DYNC1H1: variants seen among roughly 807,000 people sequenced by gnomAD.
DYNC1H1 encodes dynein cytoplasmic 1 heavy chain 1, also known as cytoplasmic dynein 1 heavy chain 1.
A neutral mutation model predicts 527.1 loss-of-function variants in DYNC1H1; 51 were observed. The observed-to-expected ratio is 0.10, with a 90% CI of 0.08 to 0.12. The LOEUF (loss-of-function observed/expected upper bound fraction) is 0.12. Among genes scored for constraint, DYNC1H1 ranks in the 10% least tolerant of loss-of-function variants. The pLI is 1.00. For missense variants in DYNC1H1, 2,771 were observed against 5,971.8 expected (o/e 0.46, Z 17.66); for synonymous variants, 2,189 against 2,278.8 (o/e 0.96, Z 1.12).
rs768609501 is a variant in DYNC1H1, at chr14:102,027,131, G to T, written c.8772-43G>T. On this transcript the variant is annotated intron_variant, in intron 44 of 77. Coordinates refer to ENST00000360184, the MANE Select transcript of DYNC1H1 (RefSeq NM_001376.5). The surrounding 1 kb of genome is among the most constrained non-coding windows in gnomAD (Gnocchi z 7.7). Reference sequence around the variant, plus strand: ...AGATATGAGTCAAAAGGGGAATGAGGCATTATAAGCCTTAACATTGATCAG... The same window carrying T: ...AGATATGAGTCAAAAGGGGAATGAGTCATTATAAGCCTTAACATTGATCAG... 6.3e-7 allele frequency: 1 copy of T among 1,585,966 alleles called. No individual in the cohort carries two copies. Among genetic ancestry groups the T allele is most frequent in the East Asian group, 2.2e-5 (1 of 44,712 alleles).
intron 72 of DYNC1H1, among the ~76,000 whole-genome samples, chr14:102,047,265 GCTCATGC>G (rs1421225648): frequency 6.6e-6 from 1 of 152,134 alleles, no homozygotes; most frequent in Admixed American, 6.5e-5. Context: ...AGGCATGGTG[GCTCATGC>G]CTGTAATCCC....
At chr14:101,993,262 C>T (rs1007995604) in intron 11 of DYNC1H1, among the ~76,000 whole-genome samples, 1 of 152,122 alleles carries the variant, frequency 6.6e-6, no homozygotes, top group African/African-American at 2.4e-5. Context: ...GTACAAGGTA[C>T]CATCACCTCT....
chr14:101,976,646 C>T (rs1318954777), intron 2 of DYNC1H1, among the ~76,000 whole-genome samples: 1 of 151,904 alleles, frequency 6.6e-6, no homozygotes, highest in Non-Finnish European at 1.5e-5. Context: ...TTTTCCAATT[C>T]AATATAAATT....
rs991283375 is a variant in DYNC1H1 at position 102,039,273 on chromosome 14, C to T, written c.11460+19C>T. On this transcript the variant is annotated intron_variant, in intron 60 of 77. Transcript: ENST00000360184. The surrounding 1 kb of genome is among the most constrained non-coding windows in gnomAD (Gnocchi z 7.0). ...CAAGCAGGTGGGTGCCTTGGCCATG[C>T]AGAGACTGGCGGGCCCCGCACAGTA... is the stretch of plus-strand genomic sequence containing the variant. 6.2e-7 allele frequency: 1 copy of T among 1,612,852 alleles called. No individual in the cohort carries two copies. The highest frequency in any genetic ancestry group is 8.5e-7 in the Non-Finnish European group (1 of 1,180,028).
chr14:102,027,004 A>G lies in DYNC1H1; in HGVS notation c.8772-170A>G, dbSNP rs529800517. The G allele has an allele frequency of 7.4e-5, 66 of 886,056 alleles. No homozygotes were observed. The African/African-American group carries it at 9.6e-4, about 13-fold the overall frequency. The allele number at this position is 886,056 out of a possible 1,614,324, so 54.9% of individuals were successfully genotyped here. On this transcript the variant is annotated intron_variant, in intron 44 of 77. Coordinates refer to ENST00000360184, the MANE Select transcript of DYNC1H1 (RefSeq NM_001376.5). This position sits in a 1 kb window ranked among gnomAD's most constrained non-coding sequence, Gnocchi z 7.7. ...AGTCTAGAGGACAGGACCGTGTCTT[A>G]CTGGTCTTTGCATTCCTCCTGGACT...
Position 102,033,774 on chromosome 14 carries a change from C to T in DYNC1H1, c.10414-202C>T. 1 of 700,670 alleles carries T rather than the reference C, an allele frequency of 1.4e-6. No individual in the cohort carries two copies. Among genetic ancestry groups the T allele is most frequent in the Non-Finnish European group, 2.4e-6 (1 of 412,942 alleles). 43.4% of individuals were successfully genotyped at this position (700,670 alleles called of 1,614,324 possible). A position where few individuals can be genotyped will look rare whatever the true frequency, so the allele number is the denominator to read the frequency against. On this transcript the variant is annotated intron_variant, in intron 54 of 77. Coordinates refer to ENST00000360184, the MANE Select transcript of DYNC1H1 (RefSeq NM_001376.5). This position sits in a 1 kb window ranked among gnomAD's most constrained non-coding sequence, Gnocchi z 5.6. ...GAGGGCCTCGCTCCGTACCCAGCTT[C>T]TGCCCCGCTGAGATTCTGAGTCGTG...
Position 102,042,801 on chromosome 14 carries a change from C to T in DYNC1H1, c.12513+53C>T. On this transcript the variant is annotated intron_variant, in intron 69 of 77. Coordinates refer to ENST00000360184, the MANE Select transcript of DYNC1H1 (RefSeq NM_001376.5). This position sits in a 1 kb window ranked among gnomAD's most constrained non-coding sequence, Gnocchi z 5.7. ...TTCCCCATAGAAGCTAAAGCCCAGT[C>T]CCATCACCAAATGCAGAAGTGGGTC... 6.3e-7 allele frequency: 1 copy of T among 1,594,824 alleles called. No individual in the cohort carries two copies. The highest frequency in any genetic ancestry group is 8.6e-7 in the Non-Finnish European group (1 of 1,167,632).
At chr14:102,026,818 T>C in intron 44 of DYNC1H1, 111 bp downstream of exon 44, 1 of 1,482,870 alleles carries the variant, frequency 6.7e-7, no homozygotes, top group South Asian at 1.2e-5. Flanking sequence ...CACCTCAGCC[T>C]TCTCCACCAA....
rs17512734 is a variant in DYNC1H1, at chr14:102,035,012, C to T, written c.10754+560C>T. The T allele has an allele frequency of 2.0e-3, 358 of 183,432 alleles. 5 individuals carry two copies. In the East Asian group the frequency reaches 0.034, roughly 17 times the overall value. 11.4% of individuals were successfully genotyped at this position (183,432 alleles called of 1,614,324 possible). On this transcript the variant is annotated intron_variant, in intron 56 of 77. Coordinates refer to ENST00000360184, the MANE Select transcript of DYNC1H1 (RefSeq NM_001376.5). ...TTGGGAGGCCGAGGTGGGCAGATCA[C>T]GAAGTCAGGAGTTTGAGACCAGCCT...
At chr14:102,024,079 G>A (rs1057157658) in intron 43 of DYNC1H1, among the ~76,000 whole-genome samples, 2 of 152,176 alleles carry the variant, frequency 1.3e-5, no homozygotes, top group Non-Finnish European at 2.9e-5. Flanking sequence ...TGAGGGTCGA[G>A]CCATTGGATT....
intron 42 of DYNC1H1, among the ~76,000 whole-genome samples, chr14:102,022,197 A>AGTAG (rs2048392308): frequency 6.6e-6 from 1 of 152,038 alleles, no homozygotes; most frequent in African/African-American, 2.4e-5. Flanking sequence ...TAAGTAAGTA[A>AGTAG]GTAAGAGTGA....
chr14:102,010,611 C>G lies in DYNC1H1; in HGVS notation c.6406-129C>G. On this transcript the variant is annotated intron_variant, in intron 31 of 77. Coordinates refer to ENST00000360184, the MANE Select transcript of DYNC1H1 (RefSeq NM_001376.5). This position sits in a 1 kb window ranked among gnomAD's most constrained non-coding sequence, Gnocchi z 6.0. The stretch of plus-strand genomic sequence containing the variant: ...TAATGTTGACCCAGTGAGTCGAGTG[C>G]ACGAATGTGGGCGAGTGGTGCTCGC... 6.7e-7 allele frequency: 1 copy of G among 1,493,868 alleles called. No homozygotes were observed. The highest frequency in any genetic ancestry group is 9.2e-7 in the Non-Finnish European group (1 of 1,091,110). The allele number at this position is 1,493,868 out of a possible 1,614,324, so 92.5% of individuals were successfully genotyped here.
chr14:101,986,763 G>A lies in DYNC1H1; in HGVS notation c.2538G>A (p.Lys846=). The A allele has an allele frequency of 6.2e-7, 1 of 1,614,142 alleles. No individual in the cohort carries two copies. The highest frequency in any genetic ancestry group is 8.5e-7 in the Non-Finnish European group (1 of 1,180,022). The change falls in exon 8 of 78, where the codon AAG becomes AAA. Residue 846 remains lysine, a splice_region_variant and synonymous_variant. Coordinates refer to ENST00000360184, the MANE Select transcript of DYNC1H1 (RefSeq NM_001376.5). This position sits in a 1 kb window ranked among gnomAD's most constrained non-coding sequence, Gnocchi z 8.7. ...LAETVFNFQE[K]VDDLLIIEEK... is the part of the protein sequence containing the mutation. ...AGACTGTCTTCAACTTCCAAGAAAA[G>A]GTATGCTCTCATGTAATCCTCAGGT...
rs1013881762 is a variant in DYNC1H1, at chr14:102,047,904, G to C, written c.13094G>C (p.Arg4365Thr). 3.1e-6 allele frequency: 5 copies of C among 1,613,724 alleles called. No homozygotes were observed. The East Asian group carries it at 8.9e-5, about 29-fold the overall frequency. Residue 4365 changes from arginine to threonine, a missense_variant, in exon 73 of 78, where the codon AGG (arginine) becomes ACG (threonine). Physicochemically the swap from Arg to Thr is moderately conservative, Grantham distance 71. Coordinates refer to ENST00000360184, the MANE Select transcript of DYNC1H1 (RefSeq NM_001376.5). ...LAYAETEKKT[R>T]TDSTSDGRPA... ...TACGCAGAGACTGAGAAGAAGACGA[G>C]GACAGACTCCACGTCCGACGGGCGC... is the stretch of plus-strand genomic sequence containing the variant.
chr14:102,043,765 G>A (rs533025991), intron 69 of DYNC1H1, 110 bp from the exon 70 acceptor site: 50 of 1,492,764 alleles, frequency 3.3e-5, no homozygotes, highest in Admixed American at 1.9e-4. Context: ...TGCTGCCATC[G>A]TCAGGATGTG....
At chr14:102,026,552 G>A (rs2048453645) in intron 43 of DYNC1H1, 22 bp from the exon 44 acceptor site, 2 of 1,613,398 alleles carry the variant, frequency 1.2e-6, no homozygotes, top group South Asian at 2.2e-5. Context: ...AAGTAATTTG[G>A]GTATTACCTT....
At chr14:101,968,719 G>A (rs911281720) in intron 1 of DYNC1H1, among the ~76,000 whole-genome samples, 9 of 150,314 alleles carry the variant, frequency 6.0e-5, no homozygotes, top group Non-Finnish European at 8.9e-5. Flanking sequence ...ACACCACCAC[G>A]CCTGGCTCAT....
chr14:102,019,749 C>T, intron 41 of DYNC1H1, 144 bp from the exon 42 acceptor site: 1 of 1,057,318 alleles, frequency 9.5e-7, no homozygotes, highest in South Asian at 1.4e-5. Context: ...CTACAGGCAC[C>T]CACCACCATG....
rs1324948272 is a variant in DYNC1H1, at chr14:101,970,470, G to GTTTTTTTTTTTTTTTTTTTTTTT, written c.257-5240_257-5239insTTTTTTTTTTTTTTTTTTTTTTT. 8.3e-5 allele frequency among the ~76,000 whole-genome samples: 8 copies of GTTTTTTTTTTTTTTTTTTTTTTT among 96,276 alleles called. 4 individuals carry two copies. Among genetic ancestry groups the GTTTTTTTTTTTTTTTTTTTTTTT allele is most frequent in the African/African-American group, 2.9e-4 (6 of 21,026 alleles). 63.2% of individuals were successfully genotyped at this position (96,276 alleles called of 152,430 possible). ...GTGGTATTAGTATGTTTGGTTTGTT[G>GTTTTTTTTTTTTTTTTTTTTTTT]TTGTTTTTTTTTTTTTTTTTTTTTT... is the stretch of plus-strand genomic sequence containing the variant. On this transcript the variant is annotated intron_variant, in intron 1 of 77. Transcript: ENST00000360184.
Sources: allele counts gnomAD v4.1 joint callset (sites outside exome capture counted in the v4.1 genomes callset), GRCh38; gene constraint gnomAD v4.1.1; non-coding constraint Gnocchi (gnomAD v3.1); transcripts MANE v1.5; gene names NCBI Gene and HGNC (gene_info 2026-07-23, HGNC 2026-07-21).